SUN2: variants seen among roughly 807,000 people sequenced by gnomAD.
The protein encoded by SUN2 is Sad1 and UNC84 domain containing 2.
A neutral mutation model predicts 100.0 loss-of-function variants in SUN2; 60 were observed. The ratio of observed to expected loss-of-function variants is 0.60; its 90% CI spans 0.49 to 0.74. The LOEUF (loss-of-function observed/expected upper bound fraction) is 0.74, where lower values mean the gene tolerates loss of function less well. SUN2 is among the 30% of genes least tolerant of loss of function. The pLI, the probability that SUN2 is intolerant of heterozygous loss-of-function variation, is 0.00. For synonymous variants in SUN2, 367 were observed against 403.3 expected (o/e 0.91, Z 1.08); for missense variants, 834 against 954.6 (o/e 0.87, Z 1.66).
intron 4 of SUN2, 196 bp from the exon 5 acceptor site, chr22:38,750,516 C>T (rs1428545871): frequency 8.3e-7 from 1 of 1,208,258 alleles, no homozygotes; most frequent in African/African-American, 1.5e-5. Flanking sequence ...TGTTTGCATC[C>T]CTCTCCTCAC....
Position 38,755,893 on chromosome 22 carries a change from G to A in SUN2, c.-168C>T, listed in dbSNP as rs190750349. 10,429 of 982,256 alleles carry A rather than the reference G, an allele frequency of 0.011. 863 individuals are homozygous for A. In the African/African-American group the frequency reaches 0.17, roughly 16 times the overall value. 60.8% of individuals were successfully genotyped at this position (982,256 alleles called of 1,614,324 possible). A position where few individuals can be genotyped will look rare whatever the true frequency, so the allele number is the denominator to read the frequency against. On this transcript the variant is annotated 5_prime_UTR_variant, in exon 1 of 18. Transcript: ENST00000689035. This position sits in a 1 kb window ranked among gnomAD's most constrained non-coding sequence, Gnocchi z 5.7. ...AGGGCGACACAGCGGCCGGGCCCGG[G>A]GCGCGCGGGCACGCGAAGAGCGGCG... is the stretch of plus-strand genomic sequence containing the variant.
intron 8 of SUN2, among the ~76,000 whole-genome samples, chr22:38,744,427 A>T (rs893855874): frequency 2.0e-5 from 3 of 152,062 alleles, no homozygotes; most frequent in Non-Finnish European, 4.4e-5. Flanking sequence ...AATTTTTTTT[A>T]AAAATTTGAC....
chr22:38,738,887 G>A lies in SUN2; in HGVS notation c.1765C>T (p.Arg589Ter), dbSNP rs775697034. 6 of 1,606,218 alleles carry A rather than the reference G, an allele frequency of 3.7e-6. No homozygotes were observed. The highest frequency in any genetic ancestry group is 1.1e-5 in the South Asian group (1 of 90,408). The change falls in exon 15 of 18, where the codon CGA becomes TGA. Residue 589 changes from arginine (R) to a stop codon, truncating the protein, a stop_gained. Coordinates refer to ENST00000689035, the MANE Select transcript of SUN2 (RefSeq NM_015374.3). LOFTEE classifies it high-confidence loss of function. The surrounding 1 kb of genome is among the most constrained non-coding windows in gnomAD (Gnocchi z 6.6). ...CAGGTGCCCACCTGGAGGATGACTC[G>A]GGGTGACTGGGAGTGGTACCACAGG... ...IPLWYHSQSP[R>*]VILQPDVHPG...
In SUN2 at chr22:38,739,217, G is replaced by T. The variant is rs35693071; in HGVS notation, c.1663+125C>A. On this transcript the variant is annotated intron_variant, in intron 14 of 17. Transcript: ENST00000689035. This position sits in a 1 kb window ranked among gnomAD's most constrained non-coding sequence, Gnocchi z 6.7. ...CCACTTGCCTTTGTCATGGGTACTAGGTTGGGTGATTTCTGCTGATCCTGA... is the reference window on the plus strand; with the variant it reads ...CCACTTGCCTTTGTCATGGGTACTATGTTGGGTGATTTCTGCTGATCCTGA... 6 of 1,141,548 alleles carry T rather than the reference G, an allele frequency of 5.3e-6. 1 individual carries two copies. Among genetic ancestry groups the T allele is most frequent in the Non-Finnish European group, 7.8e-6 (6 of 764,338 alleles). The allele number at this position is 1,141,548 out of a possible 1,614,324, so 70.7% of individuals were successfully genotyped here.
At chr22:38,745,591 T>C in intron 8 of SUN2, 93 bp downstream of exon 8, 4 of 1,518,706 alleles carry the variant, frequency 2.6e-6, no homozygotes, top group South Asian at 2.4e-5. Context: ...GCTTTGTGTG[T>C]ACGGTGTGAG....
rs1459656389 is a variant in SUN2, at chr22:38,736,167, T to G, written c.*100A>C. 8.8e-7 allele frequency: 1 copy of G among 1,142,394 alleles called. No individual in the cohort carries two copies. Among genetic ancestry groups the G allele is most frequent in the South Asian group, 1.3e-5 (1 of 78,934 alleles). The allele number at this position is 1,142,394 out of a possible 1,614,324, so 70.8% of individuals were successfully genotyped here. On this transcript the variant is annotated 3_prime_UTR_variant, in exon 18 of 18. Coordinates refer to ENST00000689035, the MANE Select transcript of SUN2 (RefSeq NM_015374.3). ...CATGGGGCCACAGGCTCCTCTCTTG[T>G]GCTCCTAGAAGTCAGAGCGCCGAGC...
At position 38,740,213 on chromosome 22, in the gene SUN2, T is replaced by C; in HGVS notation, c.1356+54A>G. 6.8e-7 allele frequency: 1 copy of C among 1,480,834 alleles called. No homozygotes were observed. The highest frequency in any genetic ancestry group is 9.0e-7 in the Non-Finnish European group (1 of 1,112,636). The allele number at this position is 1,480,834 out of a possible 1,614,324, so 91.7% of individuals were successfully genotyped here. On this transcript the variant is annotated intron_variant, in intron 12 of 17. Coordinates refer to ENST00000689035, the MANE Select transcript of SUN2 (RefSeq NM_015374.3). This position sits in a 1 kb window ranked among gnomAD's most constrained non-coding sequence, Gnocchi z 4.8. ...GCTGCTTTGCAGGCCCCAGGACACG[T>C]CGTCTCAAAGGAGGAGGAGAGGGAC... is the stretch of plus-strand genomic sequence containing the variant.
At chr22:38,742,586 AG>A in intron 8 of SUN2, 31 bp from the exon 9 acceptor site, 1 of 1,589,468 alleles carries the variant, frequency 6.3e-7, no homozygotes. Flanking sequence ...CCACGGAGTG[AG>A]GGACCCTTGG....
chr22:38,745,886 G>A, intron 7 of SUN2, 75 bp from the exon 8 acceptor site: 1 of 1,559,514 alleles, frequency 6.4e-7, no homozygotes, highest in Non-Finnish European at 8.7e-7. Context: ...ATGGCTACCT[G>A]ATCCCTGCCA....
Position 38,735,829 on chromosome 22 carries a change from C to G in SUN2, c.*438G>C, listed in dbSNP as rs2092800157. On this transcript the variant is annotated 3_prime_UTR_variant, in exon 18 of 18. Coordinates refer to ENST00000689035, the MANE Select transcript of SUN2 (RefSeq NM_015374.3). ...TCCTGCTCTGGAGCTAAGCACCCTC[C>G]TCCCAGAGGGCCTCGCTTCCTTGCC... The G allele has an allele frequency of 6.0e-6, 1 of 166,488 alleles. No homozygotes were observed. Among genetic ancestry groups the G allele is most frequent in the African/African-American group, 2.4e-5 (1 of 41,630 alleles). 10.3% of individuals were successfully genotyped at this position (166,488 alleles called of 1,614,324 possible). A position where few individuals can be genotyped will look rare whatever the true frequency, so the allele number is the denominator to read the frequency against.
At position 38,736,043 on chromosome 22, in the gene SUN2, G is replaced by A. The variant is rs1342742967; in HGVS notation, c.*224C>T. The A allele has an allele frequency of 1.4e-5, 8 of 583,264 alleles. No homozygotes were observed. The highest frequency in any genetic ancestry group is 7.7e-5 in the South Asian group (4 of 51,694). The allele number at this position is 583,264 out of a possible 1,614,324, so 36.1% of individuals were successfully genotyped here. On this transcript the variant is annotated 3_prime_UTR_variant, in exon 18 of 18. Transcript: ENST00000689035. Reference sequence around the variant, plus strand: ...CACACTCCCAGGATGGGAAGCAGACGCCACGGGCACAGAGGGAAGGAAGAA... The same window carrying A: ...CACACTCCCAGGATGGGAAGCAGACACCACGGGCACAGAGGGAAGGAAGAA...
In SUN2 at chr22:38,736,229, A is replaced by C. The variant is rs1310196621; in HGVS notation, c.*38T>G. On this transcript the variant is annotated 3_prime_UTR_variant, in exon 18 of 18. Coordinates refer to ENST00000689035, the MANE Select transcript of SUN2 (RefSeq NM_015374.3). ...GGAAGCGGCGGGGTGCTGTTCACCCACTCCCAGATGGCTGGCAGCAGGCAC... is the reference window on the plus strand; with the variant it reads ...GGAAGCGGCGGGGTGCTGTTCACCCCCTCCCAGATGGCTGGCAGCAGGCAC... The C allele has an allele frequency of 3.8e-6, 6 of 1,584,668 alleles. No individual in the cohort carries two copies. In the Admixed American group the frequency reaches 1.0e-4, roughly 27 times the overall value.
In SUN2 at chr22:38,736,333, A is replaced by G; in HGVS notation, c.2088T>C (p.Thr696=). ...AGGTGTACTCGGGGTGGCCCCAGTT[A>G]GTCAGGATCCGCAGCTCCACCACCT... is the stretch of plus-strand genomic sequence containing the variant. The part of the protein sequence containing the change: ...TYQVVELRIL[T]NWGHPEYTCI... Residue 696 remains threonine, a synonymous_variant, in exon 18 of 18, where the codon ACT becomes ACC. Transcript: ENST00000689035. 1.2e-6 allele frequency: 2 copies of G among 1,614,034 alleles called. No individual in the cohort carries two copies. The highest frequency in any genetic ancestry group is 1.7e-6 in the Non-Finnish European group (2 of 1,179,910).
chr22:38,739,379 G>T lies in SUN2; in HGVS notation c.1626C>A (p.Asp542Glu). The T allele has an allele frequency of 6.2e-7, 1 of 1,613,154 alleles. No individual in the cohort carries two copies. Among genetic ancestry groups the T allele is most frequent in the Non-Finnish European group, 8.5e-7 (1 of 1,180,014 alleles). ...GGGCGTAGTCTGCCAGCCCGATGCG[G>T]TCCTCACTGTAGCGCTGCAGGGCCT... ...VKQALQRYSE[D>E]RIGLADYALE... Residue 542 changes from aspartate to glutamate, a missense_variant, in exon 14 of 18, where the codon GAC (aspartate) becomes GAA (glutamate). Around this residue, in one of 3 missense-constraint regions of SUN2, gnomAD observed 195 missense variants for 280.2 expected, o/e 0.70. Transcript: ENST00000689035. The surrounding 1 kb of genome is among the most constrained non-coding windows in gnomAD (Gnocchi z 6.7).
intron 7 of SUN2, among the ~76,000 whole-genome samples, chr22:38,748,038 G>A (rs376239053): frequency 2.0e-5 from 3 of 152,060 alleles, no homozygotes; most frequent in South Asian, 2.1e-4. Flanking sequence ...ACTTATGGCC[G>A]GGCACGGTGG....
In SUN2 at chr22:38,738,212, G is replaced by A. The variant is rs146141522; in HGVS notation, c.2001C>T (p.Tyr667=). The A allele has an allele frequency of 5.6e-4, 898 of 1,613,930 alleles. 8 individuals carry two copies. The African/African-American group carries it at 9.3e-3, about 17-fold the overall frequency. Residue 667 remains tyrosine, a synonymous_variant, in exon 17 of 18, where the codon TAC becomes TAT. Coordinates refer to ENST00000689035, the MANE Select transcript of SUN2 (RefSeq NM_015374.3). The surrounding 1 kb of genome is among the most constrained non-coding windows in gnomAD (Gnocchi z 6.6). ...QEGTLLGKFT[Y]DQDGEPIQTF... ...TCTGAATAGGCTCGCCGTCCTGATC[G>A]TAAGTGAACTTGCCAAGGAGTGTCC... is the stretch of plus-strand genomic sequence containing the variant.
In SUN2 at chr22:38,755,755, G is replaced by C; in HGVS notation, c.-38+8C>G. Reference sequence around the variant, plus strand: ...CCCCAACCCTCTCCTGAGCTCGCCCGCACTCACCTGCTGCCGCGGCGGCTT... The same window carrying C: ...CCCCAACCCTCTCCTGAGCTCGCCCCCACTCACCTGCTGCCGCGGCGGCTT... On this transcript the variant is annotated splice_region_variant and intron_variant, in intron 1 of 17. Transcript: ENST00000689035. This position sits in a 1 kb window ranked among gnomAD's most constrained non-coding sequence, Gnocchi z 5.7. The C allele has an allele frequency of 9.1e-6, 9 of 984,882 alleles. No homozygotes were observed. Among genetic ancestry groups the C allele is most frequent in the Non-Finnish European group, 9.6e-6 (8 of 829,738 alleles). The allele number at this position is 984,882 out of a possible 1,614,324, so 61.0% of individuals were successfully genotyped here.
At position 38,749,800 on chromosome 22, in the gene SUN2, C is replaced by G. The variant is rs1265620665; in HGVS notation, c.580G>C (p.Ala194Pro). 3.7e-6 allele frequency: 6 copies of G among 1,614,128 alleles called. No individual in the cohort carries two copies. Among genetic ancestry groups the G allele is most frequent in the Non-Finnish European group, 1.7e-6 (2 of 1,180,026 alleles). The change falls in exon 6 of 18, where the codon GCT becomes CCT. Residue 194 changes from alanine to proline, a missense_variant. Ala to Pro is a conservative substitution (Grantham distance 27). This residue lies in a region of SUN2 where 559 missense variants were observed against 597.7 expected (regional missense o/e 0.94). Coordinates refer to ENST00000689035, the MANE Select transcript of SUN2 (RefSeq NM_015374.3). Reference protein sequence around the residue: ...AGTTWYRLTTAASLLDVFVLT... With the variant: ...AGTTWYRLTTPASLLDVFVLT... ...ACGAAGACGTCAAGGAGGGAGGCAG[C>G]TGTGGTCAGGCGGTACCAGGTGGTG...
At position 38,738,145 on chromosome 22, in the gene SUN2, C is replaced by T. The variant is rs368229790; in HGVS notation, c.2040+28G>A. 2.9e-5 allele frequency: 47 copies of T among 1,608,862 alleles called. No individual in the cohort carries two copies. The highest frequency in any genetic ancestry group is 3.6e-5 in the Non-Finnish European group (42 of 1,175,518). ...CTGCCTGGATGGGGAGTCTGCGCCACTTCTGCTAGCACAGCAGCATCCCGT... is the reference window on the plus strand; with the variant it reads ...CTGCCTGGATGGGGAGTCTGCGCCATTTCTGCTAGCACAGCAGCATCCCGT... On this transcript the variant is annotated intron_variant, in intron 17 of 17. Transcript: ENST00000689035. The surrounding 1 kb of genome is among the most constrained non-coding windows in gnomAD (Gnocchi z 6.6).
Sources: gnomAD v4.1 joint callset for allele counts (sites outside exome capture counted in the v4.1 genomes callset) on GRCh38, gnomAD v4.1.1 for gene constraint, gnomAD v4.1.1 regional missense constraint, Gnocchi (gnomAD v3.1) non-coding constraint, MANE v1.5 for transcripts, NCBI Gene and HGNC (gene_info 2026-07-23, HGNC 2026-07-21) for gene names.